The following RAD21 variants were observed in gnomAD, a reference collection of about 807,000 sequenced individuals.
RAD21 encodes RAD21 cohesin complex component, also known as double-strand-break repair protein rad21 homolog.
Under a neutral mutation model 71.5 loss-of-function variants are expected in RAD21, and 18 were observed. The ratio of observed to expected loss-of-function variants is 0.25; its 90% CI spans 0.17 to 0.37. RAD21 has a LOEUF of 0.37. Ranked by LOEUF, RAD21 falls within the 10% of genes least tolerant of loss-of-function variation. The pLI, the probability that RAD21 is intolerant of heterozygous loss-of-function variation, is 1.00. For synonymous variants in RAD21, 248 were observed against 254.0 expected (o/e 0.98, Z 0.22); for missense variants, 493 against 769.1 (o/e 0.64, Z 4.25).
Position 116,850,925 on chromosome 8 carries a change from A to G in RAD21, c.1471-158T>C, listed in dbSNP as rs1253493781. 4 of 442,342 alleles carry G rather than the reference A, an allele frequency of 9.0e-6. No individual in the cohort carries two copies. The East Asian group carries it at 1.3e-4, about 14-fold the overall frequency. The allele number at this position is 442,342 out of a possible 1,614,324, so 27.4% of individuals were successfully genotyped here. On this transcript the variant is annotated intron_variant, in intron 11 of 13. Coordinates refer to ENST00000297338, the MANE Select transcript of RAD21 (RefSeq NM_006265.3). ...CAAGGAAAAATTTATTACAGTATAT[A>G]TCTTTTTTGATTTTTTATAAAACTA...
chr8:116,858,185 A>G (rs1701146696), intron 5 of RAD21, among the ~76,000 whole-genome samples, 167 bp downstream of exon 5: 1 of 152,222 alleles, frequency 6.6e-6, no homozygotes, highest in African/African-American at 2.4e-5. Flanking sequence ...TCCAAGTATG[A>G]AAATAATGCT....
At chr8:116,848,884 TCAGGG>T in intron 13 of RAD21, 57 bp downstream of exon 13, 2 of 1,387,014 alleles carry the variant, frequency 1.4e-6, no homozygotes, top group Admixed American at 4.5e-5. Flanking sequence ...TTTTTTTTTT[TCAGGG>T]AACAATGGCA....
At chr8:116,863,452 G>C (rs1464527088) in intron 2 of RAD21, among the ~76,000 whole-genome samples, 193 bp from the exon 3 acceptor site, 1 of 152,088 alleles carries the variant, frequency 6.6e-6, no homozygotes, top group Non-Finnish European at 1.5e-5. Context: ...AAACATGAAG[G>C]AAGCTAGGAA....
In RAD21 at chr8:116,851,095, T is replaced by A. The variant is rs2921790; in HGVS notation, c.1471-328A>T. The stretch of plus-strand genomic sequence containing the variant: ...TGTAACTTATAAATCATAAGCTTTC[T>A]CTCTGAGAGTCTTGAATGTCTCACG... On this transcript the variant is annotated intron_variant, in intron 11 of 13. Transcript: ENST00000297338. 0.11 allele frequency: 17,629 copies of A among 166,876 alleles called. 2,110 individuals are homozygous for A. The highest frequency in any genetic ancestry group is 0.3 in the African/African-American group (12,615 of 41,874). 10.3% of individuals were successfully genotyped at this position (166,876 alleles called of 1,614,324 possible).
chr8:116,847,248 T>A lies in RAD21; in HGVS notation c.*252A>T. 2.4e-6 allele frequency: 1 copy of A among 411,432 alleles called. No individual in the cohort carries two copies. The highest frequency in any genetic ancestry group is 6.3e-4 in the Middle Eastern group (1 of 1,588). 25.5% of individuals were successfully genotyped at this position (411,432 alleles called of 1,614,324 possible). On this transcript the variant is annotated 3_prime_UTR_variant, in exon 14 of 14. Transcript: ENST00000297338. ...AATATTGCACACATCTGTTCTGAACTGTTAAAATCATCTTCTGAGTCCTTG... is the reference window on the plus strand; with the variant it reads ...AATATTGCACACATCTGTTCTGAACAGTTAAAATCATCTTCTGAGTCCTTG...
In RAD21 at chr8:116,861,939, A is replaced by G. The variant is rs750910456; in HGVS notation, c.276T>C (p.Gly92=). 6.2e-7 allele frequency: 1 copy of G among 1,604,270 alleles called. No homozygotes were observed. Among genetic ancestry groups the G allele is most frequent in the Non-Finnish European group, 8.5e-7 (1 of 1,171,822 alleles). ...FIKIKMAFRP[G]VVDLPEENRE... is the part of the protein sequence containing the mutation. ...GATTTTCCTCAGGCAGGTCAACCAC[A>G]CCTAGAAAAGAAATGCTAAGCTTAA... The change falls in exon 4 of 14, where the codon GGT becomes GGC. Residue 92 remains glycine, a splice_region_variant and synonymous_variant. Transcript: ENST00000297338.
intron 3 of RAD21, among the ~76,000 whole-genome samples, chr8:116,862,618 A>T (rs1248542560): frequency 6.6e-6 from 1 of 152,102 alleles, no homozygotes; most frequent in Non-Finnish European, 1.5e-5. Context: ...GCTTTTAAAA[A>T]TTATAGAAAG....
At chr8:116,872,161 CAT>C (rs1812836402) in intron 1 of RAD21, among the ~76,000 whole-genome samples, 1 of 152,094 alleles carries the variant, frequency 6.6e-6, no homozygotes, top group Non-Finnish European at 1.5e-5. Context: ...ATTGTAATAT[CAT>C]AAATGGAGAT....
At chr8:116,860,417 G>GAGTC (rs1287521719) in intron 4 of RAD21, among the ~76,000 whole-genome samples, 1 of 152,142 alleles carries the variant, frequency 6.6e-6, no homozygotes, top group Admixed American at 6.6e-5. Flanking sequence ...TCCCATGAAA[G>GAGTC]AGTCAATTGA....
intron 2 of RAD21, among the ~76,000 whole-genome samples, chr8:116,863,984 A>G (rs1401152931): frequency 6.6e-6 from 1 of 152,090 alleles, no homozygotes; most frequent in East Asian, 1.9e-4. Context: ...ATTAATTGGA[A>G]AGCATACCGA....
At chr8:116,847,994 C>T (rs1812279297) in intron 13 of RAD21, among the ~76,000 whole-genome samples, 1 of 152,310 alleles carries the variant, frequency 6.6e-6, no homozygotes, top group Admixed American at 6.5e-5. Context: ...ATGTGACACA[C>T]CTGCTCCCCC....
In RAD21 at chr8:116,848,873, C is replaced by T. The variant is rs530721227; in HGVS notation, c.1704+73G>A. 335 of 1,012,570 alleles carry T rather than the reference C, an allele frequency of 3.3e-4. 1 individual carries two copies. The African/African-American group carries it at 5.0e-3, about 15-fold the overall frequency. The allele number at this position is 1,012,570 out of a possible 1,614,324, so 62.7% of individuals were successfully genotyped here. ...TATGCTTTCTGTTTCCAGCATCTAA[C>T]TTTTTTTTTTTCAGGGAACAATGGC... On this transcript the variant is annotated intron_variant, in intron 13 of 13. Transcript: ENST00000297338.
At position 116,846,262 on chromosome 8, in the gene RAD21, G is replaced by C. The variant is rs1454481315; in HGVS notation, c.*1238C>G. 1 of 230,568 alleles carries C rather than the reference G, an allele frequency of 4.3e-6. No homozygotes were observed. Among genetic ancestry groups the C allele is most frequent in the East Asian group, 6.2e-5 (1 of 16,032 alleles). The allele number at this position is 230,568 out of a possible 1,614,324, so 14.3% of individuals were successfully genotyped here. A position where few individuals can be genotyped will look rare whatever the true frequency, so the allele number is the denominator to read the frequency against. ...CATTTCACATAATTTTAAATTATTG[G>C]GTATACACTGAAGTCTGAGTTTCAA... On this transcript the variant is annotated 3_prime_UTR_variant, in exon 14 of 14. Transcript: ENST00000297338.
intron 2 of RAD21, 67 bp downstream of exon 2, chr8:116,866,519 A>G (rs1415424890): frequency 1.3e-6 from 2 of 1,491,520 alleles, no homozygotes; most frequent in Non-Finnish European, 1.8e-6. Flanking sequence ...AAACTGTTTT[A>G]GAAGTTCTAT....
At chr8:116,873,890 T>C (rs1812900393) in intron 1 of RAD21, among the ~76,000 whole-genome samples, 1 of 152,194 alleles carries the variant, frequency 6.6e-6, no homozygotes, top group South Asian at 2.1e-4. Context: ...CTTTAAAGAA[T>C]GATCAGAAAA....
chr8:116,859,792 A>G (rs150411558), intron 4 of RAD21, among the ~76,000 whole-genome samples: 107 of 152,226 alleles, frequency 7.0e-4, no homozygotes, highest in African/African-American at 2.5e-3. Context: ...CATGTATCTC[A>G]CTTTAAATCA....
intron 1 of RAD21, among the ~76,000 whole-genome samples, chr8:116,870,541 A>G (rs1812799518): frequency 6.6e-6 from 1 of 152,224 alleles, no homozygotes; most frequent in African/African-American, 2.4e-5. Context: ...CTATGTTTCA[A>G]ATCAGTGCCT....
chr8:116,866,969 A>G (rs1812708688), intron 1 of RAD21: 1 of 328,940 alleles, frequency 3.0e-6, no homozygotes, highest in Non-Finnish European at 5.4e-6. Context: ...AGACCCCAAA[A>G]TACTAAGAGC....
rs546449401 is a variant in RAD21, at chr8:116,854,961, G to C, written c.938-493C>G. Among the ~76,000 whole-genome samples the C allele has an allele frequency of 1.2e-4, 18 of 152,298 alleles. 1 individual carries two copies. Among genetic ancestry groups the C allele is most frequent in the African/African-American group, 4.1e-4 (17 of 41,562 alleles). ...AATGAAACAAGCCCAAGCCCAGTCA[G>C]ATAGACCTGTTAACTCCATCCTAGA... On this transcript the variant is annotated intron_variant, in intron 8 of 13. Transcript: ENST00000297338.
Sources: gnomAD v4.1 joint callset for allele counts (sites outside exome capture counted in the v4.1 genomes callset) on GRCh38, gnomAD v4.1.1 for gene constraint, MANE v1.5 for transcripts, NCBI Gene and HGNC (gene_info 2026-07-23, HGNC 2026-07-21) for gene names.